HS3ST5: variants seen among roughly 807,000 people sequenced by gnomAD.
The protein encoded by HS3ST5 is heparan sulfate glucosamine 3-O-sulfotransferase 5.
In HS3ST5, 10 loss-of-function variants were observed where a neutral mutation model predicts 25.4. The ratio of observed to expected loss-of-function variants is 0.39; its 90% CI spans 0.24 to 0.67. The LOEUF is 0.67. HS3ST5 is among the 30% of genes least tolerant of loss of function. The probability of loss-of-function intolerance (pLI) is 0.44; values close to 1 mark genes in which losing one functional copy is unlikely to be tolerated. For missense variants in HS3ST5, 324 were observed against 420.7 expected, an observed-to-expected ratio of 0.77 and a Z score of 2.01; for synonymous variants, 170 against 162.4, an observed-to-expected ratio of 1.05 and a Z score of -0.36.
chr6:114,234,162 C>T (rs1406137000), intron 1 of HS3ST5, among the ~76,000 whole-genome samples: 1 of 152,178 alleles, frequency 6.6e-6, no homozygotes, highest in East Asian at 1.9e-4. Flanking sequence ...GCTTAATCTT[C>T]GGGCTCTAAA....
intron 1 of HS3ST5, chr6:114,282,079 G>C (rs1331366674): frequency 2.0e-5 from 3 of 151,732 alleles, no homozygotes; most frequent in Non-Finnish European, 2.9e-5. Flanking sequence ...CTCAGAAACT[G>C]TATGTGTATG....
At chr6:114,336,325 T>C (rs1236768195) in intron 1 of HS3ST5, among the ~76,000 whole-genome samples, 3 of 152,296 alleles carry the variant, frequency 2.0e-5, no homozygotes, top group African/African-American at 7.2e-5. Context: ...TACTAAGAAT[T>C]TGGCCTGGTG....
chr6:114,228,177 A>G (rs1474124716), intron 2 of HS3ST5, among the ~76,000 whole-genome samples: 1 of 152,156 alleles, frequency 6.6e-6, no homozygotes, highest in Non-Finnish European at 1.5e-5. Flanking sequence ...AAATGTAAAA[A>G]TACACATTCT....
At chr6:114,302,542 T>A (rs1163448440) in intron 1 of HS3ST5, among the ~76,000 whole-genome samples, 1 of 152,184 alleles carries the variant, frequency 6.6e-6, no homozygotes, top group Non-Finnish European at 1.5e-5. Flanking sequence ...TGGAGAGCAA[T>A]GTGTAATAAT....
At chr6:114,276,867 A>C (rs1318142056) in intron 1 of HS3ST5, among the ~76,000 whole-genome samples, 1 of 151,922 alleles carries the variant, frequency 6.6e-6, no homozygotes, top group Non-Finnish European at 1.5e-5. Context: ...GCTCTTTCCT[A>C]TATCCTTGTA....
At chr6:114,324,667 T>C (rs1169566568) in intron 1 of HS3ST5, among the ~76,000 whole-genome samples, 1 of 152,222 alleles carries the variant, frequency 6.6e-6, no homozygotes, top group African/African-American at 2.4e-5. Flanking sequence ...CCAAAGCCTA[T>C]TTCAATTTAT....
chr6:114,304,159 A>G (rs1368677243), intron 1 of HS3ST5, among the ~76,000 whole-genome samples: 1 of 152,176 alleles, frequency 6.6e-6, no homozygotes, highest in Non-Finnish European at 1.5e-5. Context: ...GAAAAGAAAG[A>G]ACTACATCAA....
intron 3 of HS3ST5, chr6:114,084,526 G>C: frequency 1.3e-6 from 1 of 759,056 alleles, no homozygotes. Flanking sequence ...CCGAGCCGGC[G>C]TCCACCGCAT....
chr6:114,137,172 G>T (rs1017168908), intron 3 of HS3ST5, among the ~76,000 whole-genome samples: 1 of 152,108 alleles, frequency 6.6e-6, no homozygotes, highest in Non-Finnish European at 1.5e-5. Context: ...TCTTGAATAG[G>T]TTATCAGGAA....
chr6:114,314,299 G>A (rs1466040733), intron 1 of HS3ST5, among the ~76,000 whole-genome samples: 1 of 152,266 alleles, frequency 6.6e-6, no homozygotes, highest in East Asian at 1.9e-4. Context: ...AAATTATCAG[G>A]TGACACTGAA....
intron 1 of HS3ST5, among the ~76,000 whole-genome samples, chr6:114,278,963 T>A (rs904414530): frequency 1.3e-5 from 2 of 151,950 alleles, no homozygotes; most frequent in African/African-American, 4.8e-5. Context: ...GAAAACTCCT[T>A]TTATTCACTC....
At chr6:114,059,458 C>G (rs1262568746) in intron 4 of HS3ST5, 1 of 152,206 alleles carries the variant, frequency 6.6e-6, no homozygotes, top group Non-Finnish European at 1.5e-5. Context: ...GAAACAACCT[C>G]AAGGTCATGC....
intron 3 of HS3ST5, among the ~76,000 whole-genome samples, chr6:114,125,932 G>A (rs1257880006): frequency 1.3e-5 from 2 of 152,144 alleles, no homozygotes; most frequent in African/African-American, 2.4e-5. Context: ...GTATTACAGG[G>A]AACTAGGAAA....
intron 2 of HS3ST5, among the ~76,000 whole-genome samples, chr6:114,225,470 GA>G (rs1449562332): frequency 6.6e-6 from 1 of 151,788 alleles, no homozygotes; most frequent in South Asian, 2.1e-4. Flanking sequence ...CTTATTTTAG[GA>G]TGAAGAAACA....
At chr6:114,170,558 A>C (rs894703095) in intron 2 of HS3ST5, among the ~76,000 whole-genome samples, 2 of 152,170 alleles carry the variant, frequency 1.3e-5, no homozygotes, top group African/African-American at 4.8e-5. Flanking sequence ...ATTAGCAAAT[A>C]GTAAATACTG....
chr6:114,294,441 C>CTTTTT (rs57443813), intron 1 of HS3ST5, among the ~76,000 whole-genome samples: 20 of 112,942 alleles, frequency 1.8e-4, no homozygotes, highest in African/African-American at 2.9e-4. Flanking sequence ...AGGTTAGAAA[C>CTTTTT]TTTTTTTTTT....
At chr6:114,282,379 G>C (rs1774152411) in intron 1 of HS3ST5, among the ~76,000 whole-genome samples, 1 of 151,846 alleles carries the variant, frequency 6.6e-6, no homozygotes, top group Admixed American at 6.6e-5. Flanking sequence ...AAAGAAGCTG[G>C]TATCCAGAGA....
chr6:114,106,269 C>T (rs1403432707), intron 3 of HS3ST5, among the ~76,000 whole-genome samples: 3 of 152,064 alleles, frequency 2.0e-5, no homozygotes, highest in Non-Finnish European at 4.4e-5. Flanking sequence ...AGCCATCTCT[C>T]TGTTAAAATA....
intron 2 of HS3ST5, among the ~76,000 whole-genome samples, chr6:114,227,869 C>T (rs1183713222): frequency 6.6e-6 from 1 of 151,988 alleles, no homozygotes; most frequent in Non-Finnish European, 1.5e-5. Flanking sequence ...CTACAGAGAA[C>T]AATGACAGGG....
Sources: gnomAD v4.1 joint callset for allele counts (sites outside exome capture counted in the v4.1 genomes callset) on GRCh38, gnomAD v4.1.1 for gene constraint, MANE v1.5 for transcripts, NCBI Gene and HGNC (gene_info 2026-07-23, HGNC 2026-07-21) for gene names.